The following RFTN1 variants were observed in gnomAD, a reference collection of about 807,000 sequenced individuals.
The protein encoded by RFTN1 is raftlin, lipid raft linker 1.
Under a neutral mutation model 46.5 loss-of-function variants are expected in RFTN1, and 26 were observed. The observed-to-expected ratio is 0.56, with a 90% CI of 0.41 to 0.78. The LOEUF (loss-of-function observed/expected upper bound fraction) is 0.78. RFTN1 is among the 30% of genes least tolerant of loss of function. RFTN1 has a pLI of 0.00. For missense variants in RFTN1, 693 were observed against 718.7 expected (o/e 0.96, Z 0.41); for synonymous variants, 261 against 284.2 (o/e 0.92, Z 0.82).
intron 8 of RFTN1, among the ~76,000 whole-genome samples, chr3:16,324,598 A>G: frequency 7.0e-6 from 1 of 143,424 alleles, no homozygotes; most frequent in African/African-American, 2.6e-5. Context: ...TGTAATAAAT[A>G]ACAGAATGTC....
rs1331976265 is a variant in RFTN1 at position 16,452,038 on chromosome 3, C to G, written c.146-18001G>C. 6.6e-6 allele frequency among the ~76,000 whole-genome samples: 1 copy of G among 152,106 alleles called. No individual in the cohort carries two copies. The highest frequency in any genetic ancestry group is 2.4e-5 in the African/African-American group (1 of 41,426). On this transcript the variant is annotated intron_variant, in intron 2 of 9. Transcript: ENST00000334133. The surrounding 1 kb of genome is among the most constrained non-coding windows in gnomAD (Gnocchi z 6.3). ...TGGATGCACAGGACAAATAGATGAT[C>G]CACGTCCTGGGCGGAATAGAGCAGG...
At position 16,407,656 on chromosome 3, in the gene RFTN1, C is replaced by T. The variant is rs2074891415; in HGVS notation, c.441+1719G>A. ...TCGGATCATAGGGTAAATTCCACTT[C>T]TAGGATGTCCCTATACAAGTTGATT... is the stretch of plus-strand genomic sequence containing the variant. On this transcript the variant is annotated intron_variant, in intron 4 of 9. Transcript: ENST00000334133. The surrounding 1 kb of genome is among the most constrained non-coding windows in gnomAD (Gnocchi z 4.0). Among the ~76,000 whole-genome samples the T allele has an allele frequency of 6.6e-6, 1 of 152,108 alleles. No homozygotes were observed. Among genetic ancestry groups the T allele is most frequent in the Non-Finnish European group, 1.5e-5 (1 of 68,010 alleles).
intron 4 of RFTN1, among the ~76,000 whole-genome samples, chr3:16,394,513 C>T (rs1330617052): frequency 6.6e-6 from 1 of 152,190 alleles, no homozygotes; most frequent in East Asian, 1.9e-4. Context: ...CAGGCGAAGC[C>T]ACCCTTTGGT....
intron 4 of RFTN1, among the ~76,000 whole-genome samples, chr3:16,404,395 T>TATAC (rs1553584756): frequency 5.0e-5 from 1 of 19,826 alleles, no homozygotes; most frequent in African/African-American, 2.0e-4. Context: ...ATAATATATA[T>TATAC]ACAATATATA....
chr3:16,403,146 C>T (rs377062086), intron 4 of RFTN1, among the ~76,000 whole-genome samples: 19 of 152,298 alleles, frequency 1.2e-4, no homozygotes, highest in East Asian at 3.9e-4. Context: ...GTACCCAACA[C>T]GCGTTATGGC....
intron 2 of RFTN1, among the ~76,000 whole-genome samples, chr3:16,467,370 A>G (rs1381446685): frequency 6.6e-6 from 1 of 152,220 alleles, no homozygotes; most frequent in Non-Finnish European, 1.5e-5. Flanking sequence ...AGCCATCCAG[A>G]TGCAGCCCCC....
At position 16,317,938 on chromosome 3, in the gene RFTN1, C is replaced by T. The variant is rs1229097124; in HGVS notation, c.1333-706G>A. On this transcript the variant is annotated intron_variant, in intron 9 of 9. Coordinates refer to ENST00000334133, the MANE Select transcript of RFTN1 (RefSeq NM_015150.2). This position sits in a 1 kb window ranked among gnomAD's most constrained non-coding sequence, Gnocchi z 4.3. The stretch of plus-strand genomic sequence containing the variant: ...AACCTGGGGGATTGTGACTGCATCA[C>T]AGCCCAAATTCTCCCTCTGCCCGCT... 1.3e-5 allele frequency among the ~76,000 whole-genome samples: 2 copies of T among 152,188 alleles called. No homozygotes were observed. Among genetic ancestry groups the T allele is most frequent in the Non-Finnish European group, 2.9e-5 (2 of 68,042 alleles).
At chr3:16,363,198 G>T (rs1464638873) in intron 6 of RFTN1, among the ~76,000 whole-genome samples, 2 of 152,198 alleles carry the variant, frequency 1.3e-5, no homozygotes, top group Non-Finnish European at 2.9e-5. Context: ...AGAGTCGCTT[G>T]TTTTGACGGC....
rs1376242191 is a variant in RFTN1 at position 16,361,481 on chromosome 3, CAG to C, written c.1031-3436_1031-3435del. Reference sequence around the variant, plus strand: ...CAAGGGGAGAGTGTGAAGGTGGACACAGTGGTGGTGGCTATTTTTGAAAGAGG... The same window carrying C: ...CAAGGGGAGAGTGTGAAGGTGGACACTGGTGGTGGCTATTTTTGAAAGAGG... On this transcript the variant is annotated intron_variant, in intron 6 of 9. Coordinates refer to ENST00000334133, the MANE Select transcript of RFTN1 (RefSeq NM_015150.2). This position sits in a 1 kb window ranked among gnomAD's most constrained non-coding sequence, Gnocchi z 4.3. Among the ~76,000 whole-genome samples, 3 of 152,082 alleles carry C rather than the reference CAG, an allele frequency of 2.0e-5. No individual in the cohort carries two copies. The highest frequency in any genetic ancestry group is 1.3e-4 in the Admixed American group (2 of 15,268).
chr3:16,414,775 C>A (rs138475598), intron 3 of RFTN1, among the ~76,000 whole-genome samples: 3 of 152,120 alleles, frequency 2.0e-5, no homozygotes, highest in Non-Finnish European at 4.4e-5. Context: ...CCGGGCTCAT[C>A]CAGGGCATGA....
chr3:16,420,924 T>C (rs2075171536), intron 3 of RFTN1, among the ~76,000 whole-genome samples: 1 of 152,122 alleles, frequency 6.6e-6, no homozygotes, highest in African/African-American at 2.4e-5. Flanking sequence ...AGCTCCCAGG[T>C]GATGCTGATG....
At chr3:16,495,775 G>T (rs2076614563) in intron 1 of RFTN1, among the ~76,000 whole-genome samples, 1 of 152,226 alleles carries the variant, frequency 6.6e-6, no homozygotes, top group Non-Finnish European at 1.5e-5. Context: ...TTCGAAAAAG[G>T]TGCCCCCTCT....
Position 16,512,015 on chromosome 3 carries a change from C to T in RFTN1, c.-9+1427G>A, listed in dbSNP as rs2076909619. On this transcript the variant is annotated intron_variant, in intron 1 of 9. Coordinates refer to ENST00000334133, the MANE Select transcript of RFTN1 (RefSeq NM_015150.2). The surrounding 1 kb of genome is among the most constrained non-coding windows in gnomAD (Gnocchi z 4.3). ...GGCGGGCCAGAAACCCCACTGAAGG[C>T]AAAAGAGGATGCAGAGCTCAGTCTG... 6.6e-6 allele frequency among the ~76,000 whole-genome samples: 1 copy of T among 152,046 alleles called. No individual in the cohort carries two copies. Among genetic ancestry groups the T allele is most frequent in the Non-Finnish European group, 1.5e-5 (1 of 68,010 alleles).
intron 2 of RFTN1, among the ~76,000 whole-genome samples, chr3:16,434,361 TAAACAAAC>T (rs138527155): frequency 0.016 from 2,149 of 138,128 alleles, 29 homozygotes; most frequent in South Asian, 0.025. Context: ...CGGTCTCTCT[TAAACAAAC>T]AAACAAACAA....
Position 16,448,857 on chromosome 3 carries a change from A to G in RFTN1, c.146-14820T>C, listed in dbSNP as rs1475612491. Reference sequence around the variant, plus strand: ...AAACTAGAAATAACTGCTGGAGGCAAGCAGCCAGCCGGCATCCCACAGAGA... The same window carrying G: ...AAACTAGAAATAACTGCTGGAGGCAGGCAGCCAGCCGGCATCCCACAGAGA... On this transcript the variant is annotated intron_variant, in intron 2 of 9. Transcript: ENST00000334133. This position sits in a 1 kb window ranked among gnomAD's most constrained non-coding sequence, Gnocchi z 4.1. 1.3e-5 allele frequency among the ~76,000 whole-genome samples: 2 copies of G among 152,202 alleles called. No homozygotes were observed.
chr3:16,501,731 T>C lies in RFTN1; in HGVS notation c.-8-7854A>G, dbSNP rs553426365. 5.9e-5 allele frequency among the ~76,000 whole-genome samples: 9 copies of C among 152,344 alleles called. No individual in the cohort carries two copies. The South Asian group carries it at 1.4e-3, about 25-fold the overall frequency. On this transcript the variant is annotated intron_variant, in intron 1 of 9. Coordinates refer to ENST00000334133, the MANE Select transcript of RFTN1 (RefSeq NM_015150.2). Reference sequence around the variant, plus strand: ...AGAACTGATCATCCAAATTAAAAAGTCTTTACATGATAACGACATCTCTCT... The same window carrying C: ...AGAACTGATCATCCAAATTAAAAAGCCTTTACATGATAACGACATCTCTCT...
Position 16,413,447 on chromosome 3 carries a change from T to C in RFTN1, c.333-3964A>G, listed in dbSNP as rs2075012642. Among the ~76,000 whole-genome samples, 1 of 152,222 alleles carries C rather than the reference T, an allele frequency of 6.6e-6. No individual in the cohort carries two copies. The highest frequency in any genetic ancestry group is 2.4e-5 in the African/African-American group (1 of 41,450). Reference sequence around the variant, plus strand: ...TCCCAGCTGAGCAGGCATTGCCACCTTCCTATGGGGTAGTGGAAATACCAG... The same window carrying C: ...TCCCAGCTGAGCAGGCATTGCCACCCTCCTATGGGGTAGTGGAAATACCAG... On this transcript the variant is annotated intron_variant, in intron 3 of 9. Transcript: ENST00000334133. This position sits in a 1 kb window ranked among gnomAD's most constrained non-coding sequence, Gnocchi z 4.7.
At chr3:16,409,224 G>T (rs1342064944) in intron 4 of RFTN1, 151 bp downstream of exon 4, 3 of 555,818 alleles carry the variant, frequency 5.4e-6, no homozygotes, top group East Asian at 3.2e-5. Context: ...TCTGGAGGGG[G>T]CTGCTTCCCT....
intron 1 of RFTN1, among the ~76,000 whole-genome samples, chr3:16,496,959 TG>T (rs1220856679): frequency 6.6e-6 from 1 of 151,676 alleles, no homozygotes; most frequent in Admixed American, 6.6e-5. Flanking sequence ...GGAGTGGGGG[TG>T]GGGGCAGCCA....
Sources: gnomAD v4.1 joint callset for allele counts (sites outside exome capture counted in the v4.1 genomes callset) on GRCh38, gnomAD v4.1.1 for gene constraint, Gnocchi (gnomAD v3.1) non-coding constraint, MANE v1.5 for transcripts, NCBI Gene and HGNC (gene_info 2026-07-23, HGNC 2026-07-21) for gene names.